The following RNF2 variants were observed in gnomAD, a reference collection of about 807,000 sequenced individuals.
RNF2 encodes E3 ubiquitin-protein ligase RING2.
Under a neutral mutation model 37.2 loss-of-function variants are expected in RNF2, and 6 were observed. The observed-to-expected ratio is 0.16, with a 90% CI of 0.09 to 0.32. The LOEUF is 0.32. Among genes scored for constraint, RNF2 ranks in the 10% least tolerant of loss-of-function variants. RNF2 has a pLI of 1.00. For synonymous variants in RNF2, 133 were observed against 132.7 expected (o/e 1.00, Z -0.02); for missense variants, 251 against 404.0 (o/e 0.62, Z 3.25).
At chr1:185,062,668 C>CA (rs1557961773) in intron 1 of RNF2, among the ~76,000 whole-genome samples, 1 of 151,706 alleles carries the variant, frequency 6.6e-6, no homozygotes, top group Non-Finnish European at 1.5e-5. Flanking sequence ...CTGAAGAAGT[C>CA]AAAGACAAAA....
chr1:185,087,830 G>T (rs1240524067), intron 2 of RNF2, among the ~76,000 whole-genome samples, 190 bp downstream of exon 2: 1 of 152,238 alleles, frequency 6.6e-6, no homozygotes, highest in East Asian at 1.9e-4. Flanking sequence ...ACAAGCTTTT[G>T]TGGTAGGTAC....
chr1:185,048,361 T>G (rs1310409277), intron 1 of RNF2, among the ~76,000 whole-genome samples: 2 of 152,220 alleles, frequency 1.3e-5, no homozygotes, highest in Non-Finnish European at 2.9e-5. Flanking sequence ...GTGGTATGAT[T>G]AGGCTTAGTT....
intron 5 of RNF2, among the ~76,000 whole-genome samples, chr1:185,099,121 G>A (rs1257790463): frequency 6.9e-6 from 1 of 145,174 alleles, no homozygotes; most frequent in African/African-American, 2.6e-5. Context: ...GCACAATCTT[G>A]GCTGACTGCA....
At chr1:185,091,292 A>AT (rs927231948) in intron 2 of RNF2, among the ~76,000 whole-genome samples, 3 of 152,186 alleles carry the variant, frequency 2.0e-5, no homozygotes, top group African/African-American at 7.2e-5. Context: ...TCCAAATTCA[A>AT]TTTTTTGTAT....
rs537401586 is a variant in RNF2 at position 185,090,790 on chromosome 1, G to T, written c.88-789G>T. On this transcript the variant is annotated intron_variant, in intron 2 of 6. Transcript: ENST00000367510. ...ATCTGTGTTCTCACTGCCAGCTTGT[G>T]GAGAGGGTAGTGAACCAAGTAGGAT... Among the ~76,000 whole-genome samples the T allele has an allele frequency of 2.0e-5, 3 of 152,318 alleles. No individual in the cohort carries two copies. In the East Asian group the frequency reaches 5.8e-4, roughly 29 times the overall value.
At chr1:185,062,408 C>T (rs1420745575) in intron 1 of RNF2, among the ~76,000 whole-genome samples, 3 of 152,036 alleles carry the variant, frequency 2.0e-5, no homozygotes. Context: ...ATTTCTCTCT[C>T]TTTTCCCATC....
At chr1:185,091,977 G>T in intron 3 of RNF2, 1 of 348,190 alleles carries the variant, frequency 2.9e-6, no homozygotes. Context: ...ACCGTGGCCG[G>T]CTAGTTTTTT....
rs200612317 is a variant in RNF2 at position 185,049,670 on chromosome 1, T to TAA, written c.-3+4032_-3+4033dup. Reference sequence around the variant, plus strand: ...ATATAGGGAGTTGGTTAGATGAGTGTAAAAAAAAAAAAGCGGGGGAGGGGG... The same window carrying TAA: ...ATATAGGGAGTTGGTTAGATGAGTGTAAAAAAAAAAAAAAGCGGGGGAGGGGG... On this transcript the variant is annotated intron_variant, in intron 1 of 6. Coordinates refer to ENST00000367510, the MANE Select transcript of RNF2 (RefSeq NM_007212.4). 1.7e-4 allele frequency among the ~76,000 whole-genome samples: 21 copies of TAA among 124,268 alleles called. No individual in the cohort carries two copies. The East Asian group carries it at 3.1e-3, about 19-fold the overall frequency. The allele number at this position is 124,268 out of a possible 152,430, so 81.5% of individuals were successfully genotyped here.
In RNF2 at chr1:185,099,530, G is replaced by T. The variant is rs529856233; in HGVS notation, c.738-261G>T. On this transcript the variant is annotated intron_variant, in intron 5 of 6. Transcript: ENST00000367510. Reference sequence around the variant, plus strand: ...ATTTCTGTTTGATTTTTGTCACTGTGTATCTCATTTTATAGAAGGTAAGGT... The same window carrying T: ...ATTTCTGTTTGATTTTTGTCACTGTTTATCTCATTTTATAGAAGGTAAGGT... 3.9e-5 allele frequency among the ~76,000 whole-genome samples: 6 copies of T among 152,044 alleles called. No individual in the cohort carries two copies. In the South Asian group the frequency reaches 1.2e-3, roughly 32 times the overall value.
intron 1 of RNF2, among the ~76,000 whole-genome samples, chr1:185,061,938 G>C (rs1381908521): frequency 6.6e-6 from 1 of 152,128 alleles, no homozygotes; most frequent in East Asian, 1.9e-4. Context: ...CAGCCCTGTG[G>C]TTCACCCAAG....
chr1:185,100,086 A>T, intron 6 of RNF2, 114 bp from the exon 7 acceptor site: 1 of 1,184,666 alleles, frequency 8.4e-7, no homozygotes, highest in Non-Finnish European at 1.2e-6. Context: ...AGTGACAAGT[A>T]GTTATTCCTA....
At chr1:185,098,001 A>G in intron 4 of RNF2, 71 bp from the exon 5 acceptor site, 1 of 1,531,090 alleles carries the variant, frequency 6.5e-7, no homozygotes, top group South Asian at 1.2e-5. Context: ...TCAGTAGCAA[A>G]CATGCTTCAG....
At position 185,100,525 on chromosome 1, in the gene RNF2, A is replaced by G. The variant is rs543144581; in HGVS notation, c.*224A>G. 1.3e-3 allele frequency: 433 copies of G among 337,278 alleles called. 2 individuals carry two copies. Among genetic ancestry groups the G allele is most frequent in the African/African-American group, 8.6e-3 (388 of 44,956 alleles). The allele number at this position is 337,278 out of a possible 1,614,324, so 20.9% of individuals were successfully genotyped here. A position where few individuals can be genotyped will look rare whatever the true frequency, so the allele number is the denominator to read the frequency against. The stretch of plus-strand genomic sequence containing the variant: ...ATTTTTTTCTTTCCTTTAAAAAAAT[A>G]TATCTGAAGTTTCTTGTGTTTTTTT... On this transcript the variant is annotated 3_prime_UTR_variant, in exon 7 of 7. Coordinates refer to ENST00000367510, the MANE Select transcript of RNF2 (RefSeq NM_007212.4).
chr1:185,065,956 A>ATT (rs57453569), intron 1 of RNF2, among the ~76,000 whole-genome samples: 73 of 138,698 alleles, frequency 5.3e-4, no homozygotes, highest in African/African-American at 1.4e-3. Context: ...ATACTGTCTC[A>ATT]TTTTTTTTTT....
At chr1:185,061,197 G>A (rs1008236286) in intron 1 of RNF2, among the ~76,000 whole-genome samples, 8 of 149,330 alleles carry the variant, frequency 5.4e-5, no homozygotes, top group Admixed American at 4.7e-4. Context: ...GCGGGATCTC[G>A]GCTCACTGCA....
intron 1 of RNF2, among the ~76,000 whole-genome samples, chr1:185,048,715 A>T (rs1405098471): frequency 2.0e-5 from 3 of 152,104 alleles, no homozygotes; most frequent in Non-Finnish European, 4.4e-5. Context: ...GTGGAGTTGT[A>T]TGAAGAGGTT....
chr1:185,072,855 G>A (rs531715320), intron 1 of RNF2, among the ~76,000 whole-genome samples: 2 of 152,170 alleles, frequency 1.3e-5, no homozygotes, highest in South Asian at 4.1e-4. Flanking sequence ...CAGGAGAATC[G>A]CTTGAACCCA....
intron 2 of RNF2, among the ~76,000 whole-genome samples, chr1:185,090,082 C>T (rs904389444): frequency 3.3e-5 from 5 of 151,876 alleles, no homozygotes; most frequent in African/African-American, 9.6e-5. Context: ...CCACCATGCC[C>T]GGCTAATTTT....
In RNF2 at chr1:185,081,559, A is replaced by G. The variant is rs1461478408; in HGVS notation, c.-2-5993A>G. On this transcript the variant is annotated intron_variant, in intron 1 of 6. Transcript: ENST00000367510. ...CAGGTGTGTGCCACCATGCCTGACTAATTTTTGTATTTTTAGTAGAGACGG... is the reference window on the plus strand; with the variant it reads ...CAGGTGTGTGCCACCATGCCTGACTGATTTTTGTATTTTTAGTAGAGACGG... Among the ~76,000 whole-genome samples, 9 of 98,912 alleles carry G rather than the reference A, an allele frequency of 9.1e-5. No homozygotes were observed. In the Admixed American group the frequency reaches 1.4e-3, roughly 15 times the overall value. 64.9% of individuals were successfully genotyped at this position (98,912 alleles called of 152,430 possible). A position where few individuals can be genotyped will look rare whatever the true frequency, so the allele number is the denominator to read the frequency against.
Sources: allele counts gnomAD v4.1 joint callset (sites outside exome capture counted in the v4.1 genomes callset), GRCh38; gene constraint gnomAD v4.1.1; transcripts MANE v1.5; gene names NCBI Gene and HGNC (gene_info 2026-07-23, HGNC 2026-07-21).